Variants in GLIS3 observed in about 807,000 individuals in gnomAD.
GLIS3 encodes zinc finger protein GLIS3.
GLIS3 carries 53 observed loss-of-function variants against 78.6 expected under a neutral mutation model. The observed-to-expected ratio is 0.67, with a 90% CI of 0.54 to 0.85. The LOEUF is 0.85. Among genes scored for constraint, GLIS3 ranks in the 40% least tolerant of loss-of-function variants. The probability of loss-of-function intolerance (pLI) is 0.00; values close to 1 mark genes in which losing one functional copy is unlikely to be tolerated. For missense variants in GLIS3, 1,703 were observed against 1,231.1 expected (o/e 1.38, Z -5.74); for synonymous variants, 684 against 509.9 (o/e 1.34, Z -4.60).
chr9:4,306,585 ATAGGAT>A (rs967492671), intron 4 of GLIS3, among the ~76,000 whole-genome samples: 3 of 152,224 alleles, frequency 2.0e-5, no homozygotes, highest in African/African-American at 7.2e-5. Context: ...TCCTACTGAA[ATAGGAT>A]TTTTCTCATT....
At chr9:3,982,814 T>A (rs1221106986) in intron 4 of GLIS3, among the ~76,000 whole-genome samples, 2 of 152,286 alleles carry the variant, frequency 1.3e-5, no homozygotes, top group East Asian at 3.9e-4. Context: ...CCATCCTATA[T>A]GGAAGGCTTC....
chr9:4,416,920 G>C, the GLIS3 span, among the ~76,000 whole-genome samples: 1 of 147,496 alleles, frequency 6.8e-6, no homozygotes, highest in African/African-American at 2.5e-5. Flanking sequence ...CCAGGTTCAA[G>C]CGATTCTCCT....
At chr9:4,374,301 C>T in the GLIS3 span, among the ~76,000 whole-genome samples, 1 of 152,254 alleles carries the variant, frequency 6.6e-6, no homozygotes, top group Admixed American at 6.5e-5. Context: ...CTATATCTTA[C>T]TCCCTGCTTT....
At chr9:4,190,509 C>T (rs529414048) in intron 2 of GLIS3, among the ~76,000 whole-genome samples, 1 of 119,514 alleles carries the variant, frequency 8.4e-6, no homozygotes, top group Non-Finnish European at 1.9e-5. Context: ...ACGAACAAAA[C>T]CTCCAAGAAA....
chr9:3,965,193 C>CTTTTTTTTTTTTTTTT (rs34951383), intron 4 of GLIS3, among the ~76,000 whole-genome samples: 6 of 100,152 alleles, frequency 6.0e-5, no homozygotes, highest in East Asian at 3.1e-4. Context: ...CTTTTCTTTT[C>CTTTTTTTTTTTTTTTT]TTTTTTTTTT....
rs188407616 is a variant in GLIS3, at chr9:3,979,671, C to T, written c.1711-42482G>A. 1.8e-3 allele frequency among the ~76,000 whole-genome samples: 267 copies of T among 152,316 alleles called. 2 individuals are homozygous for T. The highest frequency in any genetic ancestry group is 0.01 in the Middle Eastern group (3 of 294). On this transcript the variant is annotated intron_variant, in intron 4 of 10. Transcript: ENST00000381971. ...TTCACCCAGCACAACACTTACCACA[C>T]AGTTTTATGGATGTCTGGTACCTGT... is the stretch of plus-strand genomic sequence containing the variant.
chr9:3,866,053 A>G (rs1298250660), intron 8 of GLIS3, among the ~76,000 whole-genome samples: 2 of 152,156 alleles, frequency 1.3e-5, no homozygotes, highest in Non-Finnish European at 2.9e-5. Flanking sequence ...AAGAAGAACA[A>G]TTGCCTGCTC....
chr9:4,474,464 T>A, the GLIS3 span, among the ~76,000 whole-genome samples: 4 of 152,252 alleles, frequency 2.6e-5, no homozygotes, highest in African/African-American at 9.6e-5. Context: ...GGAGACAGGA[T>A]GATCTTTTCA....
At chr9:4,318,535 C>G (rs530662986) in intron 2 of GLIS3, among the ~76,000 whole-genome samples, 58 of 152,260 alleles carry the variant, frequency 3.8e-4, no homozygotes, top group African/African-American at 1.3e-3. Flanking sequence ...AGAGCTCCCT[C>G]TGGCCAATTA....
In GLIS3 at chr9:4,040,609, C is replaced by A. The variant is rs1158930429; in HGVS notation, c.1710+77159G>T. Among the ~76,000 whole-genome samples, 4 of 152,238 alleles carry A rather than the reference C, an allele frequency of 2.6e-5. No individual in the cohort carries two copies. The East Asian group carries it at 7.7e-4, about 29-fold the overall frequency. Reference sequence around the variant, plus strand: ...AGGATATAGAAGGAATGGAAAAAATCTGAACGGGAACTCCCAGCACTTTGG... The same window carrying A: ...AGGATATAGAAGGAATGGAAAAAATATGAACGGGAACTCCCAGCACTTTGG... On this transcript the variant is annotated intron_variant, in intron 4 of 10. Coordinates refer to ENST00000381971, the MANE Select transcript of GLIS3 (RefSeq NM_001042413.2).
At chr9:4,002,704 A>G (rs140840188) in intron 4 of GLIS3, among the ~76,000 whole-genome samples, 18 of 152,280 alleles carry the variant, frequency 1.2e-4, no homozygotes, top group African/African-American at 4.1e-4. Flanking sequence ...CCTCCTAGCA[A>G]CTGGGGATGG....
At chr9:4,470,120 C>T in the GLIS3 span, among the ~76,000 whole-genome samples, 3 of 152,120 alleles carry the variant, frequency 2.0e-5, no homozygotes, top group South Asian at 6.2e-4. Flanking sequence ...TAATAACCCA[C>T]CAACCAAAAA....
intron 6 of GLIS3, 76 bp from the exon 7 acceptor site, chr9:3,898,911 T>A: frequency 1.3e-6 from 2 of 1,598,078 alleles, no homozygotes; most frequent in East Asian, 4.5e-5. Flanking sequence ...GGCATCATGC[T>A]CTATCAGTGC....
chr9:4,177,593 C>T (rs1440196277), intron 2 of GLIS3, among the ~76,000 whole-genome samples: 3 of 152,188 alleles, frequency 2.0e-5, no homozygotes, highest in South Asian at 2.1e-4. Context: ...ATAATAAAAT[C>T]CTACTGAGCT....
At chr9:3,837,174 A>G (rs1044949147) in intron 9 of GLIS3, among the ~76,000 whole-genome samples, 11 of 152,324 alleles carry the variant, frequency 7.2e-5, no homozygotes, top group Admixed American at 3.9e-4. Flanking sequence ...TTCAAGAAGC[A>G]CTGACCTGCA....
intron 4 of GLIS3, among the ~76,000 whole-genome samples, chr9:3,991,683 A>C: frequency 1.1e-5 from 1 of 87,900 alleles, no homozygotes; most frequent in Non-Finnish European, 2.0e-5. Flanking sequence ...AAGTAGGCTG[A>C]TTTTTTTTTT....
At chr9:4,127,008 A>C (rs1260364509) in intron 2 of GLIS3, among the ~76,000 whole-genome samples, 1 of 152,164 alleles carries the variant, frequency 6.6e-6, no homozygotes. Context: ...CCCAAAATTA[A>C]ATCAATAGCC....
At chr9:3,973,152 C>T (rs566829467) in intron 4 of GLIS3, among the ~76,000 whole-genome samples, 10 of 152,270 alleles carry the variant, frequency 6.6e-5, no homozygotes, top group South Asian at 2.1e-4. Flanking sequence ...GGCAAGTCTG[C>T]TAGGGTTCCA....
At chr9:4,233,084 T>G (rs1441812123) in intron 2 of GLIS3, among the ~76,000 whole-genome samples, 1 of 152,248 alleles carries the variant, frequency 6.6e-6, no homozygotes, top group African/African-American at 2.4e-5. Flanking sequence ...TTACATAATT[T>G]TGATACCAAC....
Sources: allele counts gnomAD v4.1 joint callset (sites outside exome capture counted in the v4.1 genomes callset), GRCh38; gene constraint gnomAD v4.1.1; transcripts MANE v1.5; gene names NCBI Gene and HGNC (gene_info 2026-07-23, HGNC 2026-07-21).